Variants in ARHGAP40 observed in about 807,000 individuals in gnomAD.
ARHGAP40 encodes rho GTPase-activating protein 40.
A neutral mutation model predicts 73.5 loss-of-function variants in ARHGAP40; 43 were observed. The observed-to-expected ratio is 0.58, with a 90% confidence interval of 0.46 to 0.75. The LOEUF (loss-of-function observed/expected upper bound fraction) is 0.75, where lower values mean the gene tolerates loss of function less well. Ranked by LOEUF, ARHGAP40 falls within the 30% of genes least tolerant of loss-of-function variation. The pLI is 0.00. For missense variants in ARHGAP40, 734 were observed against 861.8 expected (o/e 0.85, Z 1.86); for synonymous variants, 300 against 352.8 (o/e 0.85, Z 1.68).
chr20:38,602,306 C>T (rs2088739943), intron 1 of ARHGAP40, among the ~76,000 whole-genome samples: 1 of 152,176 alleles, frequency 6.6e-6, no homozygotes, highest in East Asian at 1.9e-4. Context: ...ACAGCATTGC[C>T]CTGGGTTCAG....
At chr20:38,620,337 T>C (rs1456458864) in intron 1 of ARHGAP40, among the ~76,000 whole-genome samples, 1 of 152,188 alleles carries the variant, frequency 6.6e-6, no homozygotes, top group Non-Finnish European at 1.5e-5. Flanking sequence ...TGCTGCAAAA[T>C]GTGATGTTGG....
At position 38,650,513 on chromosome 20, in the gene ARHGAP40, G is replaced by A. The variant is rs539150261; in HGVS notation, c.*665G>A. The A allele has an allele frequency of 9.0e-5, 42 of 468,434 alleles. 1 individual carries two copies. The highest frequency in any genetic ancestry group is 6.3e-4 in the East Asian group (9 of 14,364). The allele number at this position is 468,434 out of a possible 1,614,324, so 29.0% of individuals were successfully genotyped here. ...CAAGATTGTAGCCATGACCAGCCCC[G>A]GGAGAAATGGACAGAGGAAGACTTT... On this transcript the variant is annotated 3_prime_UTR_variant, in exon 15 of 15. Transcript: ENST00000373345.
intron 1 of ARHGAP40, chr20:38,614,884 C>T: frequency 7.8e-7 from 1 of 1,277,760 alleles, no homozygotes; most frequent in South Asian, 1.2e-5. Context: ...GTCACATCCC[C>T]CAGCAAGCTG....
chr20:38,644,228 C>T (rs566108030), intron 11 of ARHGAP40, among the ~76,000 whole-genome samples: 1 of 152,236 alleles, frequency 6.6e-6, no homozygotes, highest in South Asian at 2.1e-4. Context: ...AAGCCCCATC[C>T]CTGAGGCCCA....
chr20:38,643,563 G>T (rs1265206570), intron 10 of ARHGAP40, 141 bp from the exon 11 acceptor site: 2 of 549,890 alleles, frequency 3.6e-6, no homozygotes, highest in Non-Finnish European at 6.0e-6. Flanking sequence ...GACACAGCTG[G>T]AACGGGAGCC....
intron 2 of ARHGAP40, among the ~76,000 whole-genome samples, chr20:38,623,798 A>G (rs1017622830): frequency 6.6e-6 from 1 of 152,208 alleles, no homozygotes; most frequent in Non-Finnish European, 1.5e-5. Context: ...TCCTTAGAGT[A>G]AGTCCTTCAG....
rs2088975851 is a variant in ARHGAP40 at position 38,636,487 on chromosome 20, T to C, written c.950-1221T>C. Among the ~76,000 whole-genome samples the C allele has an allele frequency of 2.0e-5, 3 of 152,104 alleles. No homozygotes were observed. The South Asian group carries it at 6.2e-4, about 32-fold the overall frequency. ...TATGTTGCCCAGACCGGTCTCGAAC[T>C]CCTGGGCTCAAATGATCTTCCCACC... On this transcript the variant is annotated intron_variant, in intron 6 of 14. Coordinates refer to ENST00000373345, the Ensembl canonical transcript of ARHGAP40.
chr20:38,614,919 G>T, intron 1 of ARHGAP40: 1 of 1,365,396 alleles, frequency 7.3e-7, no homozygotes, highest in African/African-American at 1.4e-5. Context: ...TTCTCTAGAA[G>T]TCCTGAGACT....
chr20:38,618,342 T>C (rs220544), intron 1 of ARHGAP40, among the ~76,000 whole-genome samples: 149,566 of 152,250 alleles, frequency 0.98, 73,478 homozygotes, highest in African/African-American at 1. Flanking sequence ...CTCCTGACCT[T>C]GTGATTCACC....
chr20:38,628,875 G>A, intron 3 of ARHGAP40, 52 bp from the exon 4 acceptor site: 1 of 1,237,188 alleles, frequency 8.1e-7, no homozygotes, highest in East Asian at 5.9e-5. Flanking sequence ...GGTTGTGTGA[G>A]CATTGTCAGC....
chr20:38,614,101 T>C (rs941055982), intron 1 of ARHGAP40, among the ~76,000 whole-genome samples: 4 of 152,194 alleles, frequency 2.6e-5, no homozygotes, highest in African/African-American at 9.7e-5. Context: ...TGTGTCCCGA[T>C]GTTCAGGTTG....
chr20:38,638,880 C>T (rs1450685054), intron 8 of ARHGAP40, 42 bp downstream of exon 8: 1 of 1,288,222 alleles, frequency 7.8e-7, no homozygotes, highest in Non-Finnish European at 1.0e-6. Context: ...CTGCATCTCC[C>T]CCATGCTCAC....
chr20:38,628,023 G>A (rs141880919), intron 3 of ARHGAP40, among the ~76,000 whole-genome samples: 123 of 152,344 alleles, frequency 8.1e-4, no homozygotes, highest in Non-Finnish European at 1.4e-3. Flanking sequence ...GCTGCAGAGC[G>A]GGGCCACCCG....
intron 1 of ARHGAP40, chr20:38,615,114 T>C (rs938971601): frequency 3.1e-6 from 3 of 970,790 alleles, no homozygotes; most frequent in East Asian, 2.4e-5. Context: ...GTCCCATATA[T>C]CCTTGACCAG....
chr20:38,638,014 T>C (rs220537), intron 7 of ARHGAP40, among the ~76,000 whole-genome samples: 75,065 of 151,436 alleles, frequency 0.5, 19,458 homozygotes, highest in South Asian at 0.64. Context: ...TTTTATTTTA[T>C]AAATTTTTGT....
chr20:38,623,550 T>C (rs1225494199), exon 2 of ARHGAP40: 4 of 1,289,062 alleles, frequency 3.1e-6, no homozygotes, highest in Non-Finnish European at 4.0e-6. Context: ...GAAGGCCAGC[T>C]TCCAGAGGGT....
intron 3 of ARHGAP40, among the ~76,000 whole-genome samples, chr20:38,628,591 A>C (rs747588740): frequency 6.6e-6 from 1 of 152,230 alleles, no homozygotes; most frequent in Non-Finnish European, 1.5e-5. Flanking sequence ...GGCGTGAGCC[A>C]CCACGCCCGG....
chr20:38,624,311 A>C (rs547700333), intron 2 of ARHGAP40, among the ~76,000 whole-genome samples: 1 of 152,224 alleles, frequency 6.6e-6, no homozygotes, highest in Non-Finnish European at 1.5e-5. Context: ...TTCCAAGCAC[A>C]AGACCAAGAG....
chr20:38,620,323 G>T (rs1281868807), intron 1 of ARHGAP40, among the ~76,000 whole-genome samples: 1 of 152,174 alleles, frequency 6.6e-6, no homozygotes. Context: ...GGTACTCACC[G>T]CCATGCTGCA....
Sources: allele counts gnomAD v4.1 joint callset (sites outside exome capture counted in the v4.1 genomes callset), GRCh38; gene constraint gnomAD v4.1.1; transcripts MANE v1.5; gene names NCBI Gene and HGNC (gene_info 2026-07-23, HGNC 2026-07-21).